Variants in NOL4 observed in about 807,000 individuals in gnomAD.
The protein encoded by NOL4 is cancer/testis antigen 125.
Under a neutral mutation model 75.9 loss-of-function variants are expected in NOL4, and 17 were observed. The ratio of observed to expected loss-of-function variants is 0.22; its 90% CI spans 0.15 to 0.34. The LOEUF (loss-of-function observed/expected upper bound fraction) is 0.34, where lower values mean the gene tolerates loss of function less well. NOL4 is among the 10% of genes least tolerant of loss of function. The probability of loss-of-function intolerance (pLI) is 1.00; values close to 1 mark genes in which losing one functional copy is unlikely to be tolerated. For missense variants in NOL4, 614 were observed against 793.5 expected (o/e 0.77, Z 2.72); for synonymous variants, 292 against 289.9 (o/e 1.01, Z -0.07).
chr18:34,049,041 T>A (rs1009581467), intron 5 of NOL4, among the ~76,000 whole-genome samples: 1 of 148,732 alleles, frequency 6.7e-6, no homozygotes, highest in African/African-American at 2.5e-5. Flanking sequence ...ATCATCACCA[T>A]TGTATCAACT....
chr18:34,211,045 A>G (rs986405501), intron 1 of NOL4, among the ~76,000 whole-genome samples: 1 of 151,886 alleles, frequency 6.6e-6, no homozygotes, highest in Admixed American at 6.6e-5. Context: ...GCAGCACTGC[A>G]CTCCAGCCTG....
At chr18:33,976,535 G>C (rs1356362028) in intron 6 of NOL4, among the ~76,000 whole-genome samples, 1 of 152,066 alleles carries the variant, frequency 6.6e-6, no homozygotes, top group Non-Finnish European at 1.5e-5. Context: ...CCTCAGTTTA[G>C]TTTCCACAAT....
At chr18:33,884,713 T>C (rs1320473727) in intron 9 of NOL4, among the ~76,000 whole-genome samples, 1 of 152,076 alleles carries the variant, frequency 6.6e-6, no homozygotes, top group African/African-American at 2.4e-5. Context: ...TTTGCAGCTT[T>C]TAAATGTTGA....
chr18:33,911,775 C>G (rs1164224275), intron 9 of NOL4, among the ~76,000 whole-genome samples: 1 of 152,102 alleles, frequency 6.6e-6, no homozygotes, highest in Non-Finnish European at 1.5e-5. Context: ...ATCAGACTGT[C>G]TCCATACTTG....
At chr18:33,915,994 A>G (rs1390642330) in intron 9 of NOL4, among the ~76,000 whole-genome samples, 1 of 152,186 alleles carries the variant, frequency 6.6e-6, no homozygotes, top group Non-Finnish European at 1.5e-5. Flanking sequence ...TTCCAACATT[A>G]TCGAGTACAG....
intron 1 of NOL4, among the ~76,000 whole-genome samples, chr18:34,139,815 T>C (rs1600705016): frequency 6.6e-6 from 1 of 152,326 alleles, no homozygotes; most frequent in East Asian, 1.9e-4. Flanking sequence ...TGTGGGCATT[T>C]AGTGCTATAA....
At chr18:34,202,194 A>G (rs1212702373) in intron 1 of NOL4, among the ~76,000 whole-genome samples, 1 of 151,878 alleles carries the variant, frequency 6.6e-6, no homozygotes, top group Non-Finnish European at 1.5e-5. Flanking sequence ...TTTATTAAGC[A>G]CTTGCTCTGA....
At chr18:33,937,055 C>T (rs1007300955) in intron 9 of NOL4, among the ~76,000 whole-genome samples, 1 of 152,008 alleles carries the variant, frequency 6.6e-6, no homozygotes, top group Admixed American at 6.6e-5. Flanking sequence ...CGAAATCTGG[C>T]TGCCCCTTTT....
intron 1 of NOL4, among the ~76,000 whole-genome samples, chr18:34,159,499 C>T (rs1453259272): frequency 6.6e-6 from 1 of 152,140 alleles, no homozygotes; most frequent in Admixed American, 6.5e-5. Context: ...GCCGCCTTCT[C>T]CTCCCCTGGG....
At chr18:33,980,895 G>T (rs946686656) in intron 6 of NOL4, among the ~76,000 whole-genome samples, 7 of 151,904 alleles carry the variant, frequency 4.6e-5, no homozygotes, top group African/African-American at 1.7e-4. Flanking sequence ...AAATTATCAT[G>T]CAATAAATTT....
chr18:34,152,613 C>G, intron 1 of NOL4, among the ~76,000 whole-genome samples: 1 of 151,952 alleles, frequency 6.6e-6, no homozygotes, highest in Non-Finnish European at 1.5e-5. Context: ...AAAGATGAGA[C>G]AGATCACCCT....
intron 6 of NOL4, among the ~76,000 whole-genome samples, chr18:33,992,998 C>T (rs573194646): frequency 1.2e-4 from 19 of 152,008 alleles, no homozygotes; most frequent in South Asian, 4.2e-4. Context: ...TTTTAGTGGA[C>T]GGCAACTGGA....
chr18:33,880,829 T>A (rs574920681), intron 10 of NOL4, among the ~76,000 whole-genome samples: 3 of 152,120 alleles, frequency 2.0e-5, no homozygotes, highest in South Asian at 4.2e-4. Flanking sequence ...TTTTTTTTTT[T>A]AGTATAAACA....
chr18:33,873,540 G>A (rs2063793954), intron 10 of NOL4, among the ~76,000 whole-genome samples: 1 of 151,892 alleles, frequency 6.6e-6, no homozygotes, highest in Non-Finnish European at 1.5e-5. Context: ...TTCCAATGTT[G>A]TGCTCTTCAG....
At chr18:34,134,955 T>G (rs1452685910) in intron 1 of NOL4, among the ~76,000 whole-genome samples, 1 of 152,074 alleles carries the variant, frequency 6.6e-6, no homozygotes, top group Non-Finnish European at 1.5e-5. Flanking sequence ...ATGCCTGTAT[T>G]AAAAAATAAG....
intron 5 of NOL4, among the ~76,000 whole-genome samples, chr18:34,064,294 T>C (rs1205944009): frequency 2.6e-5 from 4 of 151,930 alleles, no homozygotes; most frequent in Non-Finnish European, 4.4e-5. Context: ...TAAAGAAAAA[T>C]GAAAGCTACA....
chr18:34,068,095 G>A (rs924946335), intron 5 of NOL4, among the ~76,000 whole-genome samples: 1 of 152,130 alleles, frequency 6.6e-6, no homozygotes, highest in African/African-American at 2.4e-5. Flanking sequence ...AGGAAAATTA[G>A]GAGGTGAGCA....
At chr18:34,040,995 T>C (rs2076115686) in intron 5 of NOL4, among the ~76,000 whole-genome samples, 1 of 151,960 alleles carries the variant, frequency 6.6e-6, no homozygotes, top group South Asian at 2.1e-4. Context: ...TAATCAAAAA[T>C]ATTCTAGGAT....
At chr18:34,073,876 C>A (rs561090140) in intron 5 of NOL4, among the ~76,000 whole-genome samples, 1 of 152,060 alleles carries the variant, frequency 6.6e-6, no homozygotes, top group Non-Finnish European at 1.5e-5. Flanking sequence ...ACAACACTTA[C>A]ATAGCCAAAG....
Sources: gnomAD v4.1 joint callset for allele counts (sites outside exome capture counted in the v4.1 genomes callset) on GRCh38, gnomAD v4.1.1 for gene constraint, MANE v1.5 for transcripts, NCBI Gene and HGNC (gene_info 2026-07-23, HGNC 2026-07-21) for gene names.